FAM53A: variants seen among roughly 807,000 people sequenced by gnomAD.
The protein encoded by FAM53A is protein FAM53A.
Under a neutral mutation model 26.6 loss-of-function variants are expected in FAM53A, and 28 were observed. The ratio of observed to expected loss-of-function variants is 1.05; its 90% CI spans 0.78 to 1.45. The LOEUF (loss-of-function observed/expected upper bound fraction) is 1.45. Ranked by LOEUF, FAM53A falls within the 40% of genes most tolerant of loss-of-function variation. The pLI is 0.00. For missense variants in FAM53A, 650 were observed against 575.8 expected (o/e 1.13, Z -1.32); for synonymous variants, 290 against 253.1 (o/e 1.15, Z -1.38).
chr4:1,622,753 C>T (rs1406547007), intron 1 of FAM53A, among the ~76,000 whole-genome samples: 1 of 152,188 alleles, frequency 6.6e-6, no homozygotes, highest in Non-Finnish European at 1.5e-5. Flanking sequence ...GCAGCCATCT[C>T]TGCCTCCCTC....
rs1026326407 is a variant in FAM53A at position 1,678,588 on chromosome 4, G to A, written c.-165+5645C>T. Among the ~76,000 whole-genome samples the A allele has an allele frequency of 7.9e-5, 12 of 152,284 alleles. No homozygotes were observed. The South Asian group carries it at 2.3e-3, about 29-fold the overall frequency. On this transcript the variant is annotated intron_variant, in intron 1 of 4. Coordinates refer to ENST00000308132, the MANE Select transcript of FAM53A (RefSeq NM_001174070.3). ...TGTAATCCTAGCACTTTGGGAGCCC[G>A]AGGTGGGTGGATCATTTGAGGTCAA...
chr4:1,642,220 G>A (rs112230772), intron 4 of FAM53A, among the ~76,000 whole-genome samples: 1 of 152,156 alleles, frequency 6.6e-6, no homozygotes, highest in African/African-American at 2.4e-5. Flanking sequence ...TACTCTAATA[G>A]AAACACATGC....
the FAM53A span, among the ~76,000 whole-genome samples, chr4:1,608,850 G>A: frequency 6.6e-6 from 1 of 152,136 alleles, no homozygotes; most frequent in East Asian, 1.9e-4. Context: ...ATCAATATGG[G>A]TTCTGCTTTT....
At chr4:1,576,679 G>A in the FAM53A span, among the ~76,000 whole-genome samples, 2 of 152,250 alleles carry the variant, frequency 1.3e-5, no homozygotes, top group Admixed American at 1.3e-4. Flanking sequence ...GGCAGCGGTG[G>A]GCAGGCCGGG....
downstream of FAM53A, among the ~76,000 whole-genome samples, chr4:1,636,173 G>A (rs1715830177): frequency 6.6e-6 from 1 of 152,124 alleles, no homozygotes; most frequent in African/African-American, 2.4e-5. Context: ...GAAATGTACT[G>A]GCATTTGCTT....
At chr4:1,634,917 A>AAT (rs1715772578), downstream of FAM53A, among the ~76,000 whole-genome samples, 3 of 152,226 alleles carry the variant, frequency 2.0e-5, no homozygotes, top group African/African-American at 4.8e-5. Context: ...AAAAAAATAA[A>AAT]AAAATAAAAT....
At chr4:1,658,556 G>A (rs1235196893) in intron 2 of FAM53A, among the ~76,000 whole-genome samples, 4 of 152,212 alleles carry the variant, frequency 2.6e-5, no homozygotes, top group African/African-American at 7.2e-5. Context: ...CCAGGGAGAC[G>A]TCCAGAGGGC....
At position 1,639,952 on chromosome 4, in the gene FAM53A, G is replaced by A. The variant is rs1218957843; in HGVS notation, c.*1341C>T. Reference sequence around the variant, plus strand: ...ATTAAAAGTGCAAGAATGAAAAACAGGAAATCCCTTGCCTTGTCTGGTTCT... The same window carrying A: ...ATTAAAAGTGCAAGAATGAAAAACAAGAAATCCCTTGCCTTGTCTGGTTCT... On this transcript the variant is annotated 3_prime_UTR_variant, in exon 5 of 5. Coordinates refer to ENST00000308132, the MANE Select transcript of FAM53A (RefSeq NM_001174070.3). 1 of 152,276 alleles carries A rather than the reference G, an allele frequency of 6.6e-6. No individual in the cohort carries two copies. Among genetic ancestry groups the A allele is most frequent in the East Asian group, 1.9e-4 (1 of 5,206 alleles). The allele number at this position is 152,276 out of a possible 1,614,324, so 9.4% of individuals were successfully genotyped here. A position where few individuals can be genotyped will look rare whatever the true frequency, so the allele number is the denominator to read the frequency against.
intron 4 of FAM53A, among the ~76,000 whole-genome samples, chr4:1,649,241 A>AGGGG: frequency 6.6e-6 from 1 of 151,742 alleles, no homozygotes; most frequent in African/African-American, 2.4e-5. Flanking sequence ...GGAGGAAAGA[A>AGGGG]AAGGAAAGAG....
At position 1,641,184 on chromosome 4, in the gene FAM53A, C is replaced by A; in HGVS notation, c.*109G>T. 1 of 877,194 alleles carries A rather than the reference C, an allele frequency of 1.1e-6. No individual in the cohort carries two copies. The highest frequency in any genetic ancestry group is 1.6e-6 in the Non-Finnish European group (1 of 619,696). 54.3% of individuals were successfully genotyped at this position (877,194 alleles called of 1,614,324 possible). On this transcript the variant is annotated 3_prime_UTR_variant, in exon 5 of 5. Transcript: ENST00000308132. Reference sequence around the variant, plus strand: ...CAGCTCACAGGAAACCTACTCTGTGCCCCAGGGCAGGTGCCGGGCCGTGGC... The same window carrying A: ...CAGCTCACAGGAAACCTACTCTGTGACCCAGGGCAGGTGCCGGGCCGTGGC...
At chr4:1,645,575 A>AG (rs1468034842) in intron 4 of FAM53A, among the ~76,000 whole-genome samples, 2 of 152,192 alleles carry the variant, frequency 1.3e-5, no homozygotes, top group Non-Finnish European at 2.9e-5. Context: ...AGGCAGAAGG[A>AG]GGGGACTCTC....
At chr4:1,678,642 T>C (rs1715199479) in intron 1 of FAM53A, among the ~76,000 whole-genome samples, 1 of 152,136 alleles carries the variant, frequency 6.6e-6, no homozygotes, top group Admixed American at 6.5e-5. Context: ...GCCAACATAG[T>C]TAAACCCCAC....
At chr4:1,657,929 A>G (rs1279051903) in intron 2 of FAM53A, among the ~76,000 whole-genome samples, 3 of 151,902 alleles carry the variant, frequency 2.0e-5, no homozygotes, top group Non-Finnish European at 4.4e-5. Context: ...ATGAGCCACC[A>G]CGCCCGGCTG....
At chr4:1,585,276 C>CTT in the FAM53A span, among the ~76,000 whole-genome samples, 735 of 75,856 alleles carry the variant, frequency 9.7e-3, 1 homozygote, top group East Asian at 0.042. Flanking sequence ...CTCTCTCTCT[C>CTT]TTTTTTTTTT....
At chr4:1,618,391 C>T (rs1236740795) in intron 1 of FAM53A, among the ~76,000 whole-genome samples, 2 of 152,190 alleles carry the variant, frequency 1.3e-5, no homozygotes, top group Non-Finnish European at 2.9e-5. Context: ...ACTGTTGGGG[C>T]CTGACCACAG....
chr4:1,593,484 C>G, the FAM53A span, among the ~76,000 whole-genome samples: 2 of 152,076 alleles, frequency 1.3e-5, no homozygotes, highest in South Asian at 2.1e-4. Flanking sequence ...AGAGCCCAAA[C>G]AAAGAAGTGG....
intron 2 of FAM53A, 109 bp downstream of exon 2, chr4:1,668,539 TCCCTGGCCCAGCAGGGCCC>T: frequency 5.3e-6 from 5 of 943,434 alleles, no homozygotes; most frequent in Non-Finnish European, 8.1e-6. Context: ...GACACCCCCA[TCCCTGGCCCAGCAGGGCCC>T]CCCAGGCCCC....
the FAM53A span, among the ~76,000 whole-genome samples, chr4:1,583,433 C>A: frequency 2.6e-5 from 4 of 152,232 alleles, no homozygotes; most frequent in African/African-American, 9.6e-5. Context: ...CCTTGGGGAA[C>A]GAGCCATTCA....
chr4:1,662,155 C>A (rs1323382473), intron 2 of FAM53A, among the ~76,000 whole-genome samples: 1 of 151,900 alleles, frequency 6.6e-6, no homozygotes, highest in Non-Finnish European at 1.5e-5. Flanking sequence ...ACAGTGAGAC[C>A]CCCTTTCTAA....
Sources: gnomAD v4.1 joint callset for allele counts (sites outside exome capture counted in the v4.1 genomes callset) on GRCh38, gnomAD v4.1.1 for gene constraint, MANE v1.5 for transcripts, NCBI Gene and HGNC (gene_info 2026-07-23, HGNC 2026-07-21) for gene names.